The following NBPF9 variants were observed in gnomAD, a reference collection of about 807,000 sequenced individuals.
NBPF9 encodes the protein NBPF family member NBPF9.
Under a neutral mutation model 97.8 loss-of-function variants are expected in NBPF9, and 91 were observed. The observed-to-expected ratio is 0.93, with a 90% CI of 0.79 to 1.11. The LOEUF (loss-of-function observed/expected upper bound fraction) is 1.11, where lower values mean the gene tolerates loss of function less well. NBPF9 is among the 50% of genes least tolerant of loss of function. NBPF9 has a pLI of 0.00. For missense variants in NBPF9, 992 were observed against 939.5 expected, an observed-to-expected ratio of 1.06 and a Z score of -0.73; for synonymous variants, 334 against 359.5, an observed-to-expected ratio of 0.93 and a Z score of 0.80.
At chr1:149,076,773 G>T (rs1207413834) in intron 11 of NBPF9, among the ~76,000 whole-genome samples, 4 of 151,010 alleles carry the variant, frequency 2.6e-5, no homozygotes, top group Admixed American at 1.3e-4. Context: ...CTCCCAAAGT[G>T]CTCGGATTAC....
intron 5 of NBPF9, among the ~76,000 whole-genome samples, chr1:149,088,124 C>A (rs1297304232): frequency 6.6e-6 from 1 of 152,244 alleles, no homozygotes; most frequent in African/African-American, 2.4e-5. Flanking sequence ...AGCCACGGTG[C>A]CCAGTCTGTT....
intron 1 of NBPF9, 26 bp downstream of exon 1, chr1:149,103,275 C>A (rs1361321838): frequency 3.3e-5 from 5 of 151,514 alleles, no homozygotes; most frequent in African/African-American, 1.2e-4. Flanking sequence ...ACTCACCGCC[C>A]GCCCGGCCTG....
intron 5 of NBPF9, among the ~76,000 whole-genome samples, chr1:149,086,980 T>G (rs1342003298): frequency 6.6e-6 from 1 of 152,082 alleles, no homozygotes; most frequent in Non-Finnish European, 1.5e-5. Context: ...AGCCATACCA[T>G]TTTTCATTCC....
rs587691061 is a variant in NBPF9, at chr1:149,072,871, G to A, written c.1153C>T (p.Arg385Trp). ...GAGCGGGAGGCATCTCTCCCTTCCC[G>A]CAACTTCTCCCTTAACTGGGTCAGC... Residue 385 changes from arginine to tryptophan, a missense_variant, in exon 14 of 30, where the codon CGG (arginine) becomes TGG (tryptophan). Coordinates refer to ENST00000584027, the Ensembl canonical transcript of NBPF9. 425 of 1,605,526 alleles carry A rather than the reference G, an allele frequency of 2.6e-4. 16 individuals are homozygous for A. Among genetic ancestry groups the A allele is most frequent in the Admixed American group, 9.2e-4 (55 of 59,890 alleles).
chr1:149,056,321 A>G (rs1474411839), intron 29 of NBPF9, among the ~76,000 whole-genome samples, 191 bp downstream of exon 29: 1 of 120,088 alleles, frequency 8.3e-6, no homozygotes, highest in Non-Finnish European at 1.7e-5. Context: ...AACCTATGGT[A>G]CGTTAGGAAA....
chr1:149,064,636 G>C lies in NBPF9; in HGVS notation c.1802-154C>G, dbSNP rs1299279144. 4.8e-6 allele frequency: 3 copies of C among 623,810 alleles called. No homozygotes were observed. The South Asian group carries it at 5.7e-5, about 12-fold the overall frequency. 38.6% of individuals were successfully genotyped at this position (623,810 alleles called of 1,614,324 possible). A position where few individuals can be genotyped will look rare whatever the true frequency, so the allele number is the denominator to read the frequency against. On this transcript the variant is annotated intron_variant, in intron 18 of 29. Coordinates refer to ENST00000584027, the Ensembl canonical transcript of NBPF9. ...AATATTCCAGTAGGCCTGAGGTCAA[G>C]TCTTGAGAAAACTGGCTTGGGTTCT...
intron 12 of NBPF9, among the ~76,000 whole-genome samples, chr1:149,075,167 G>T (rs1330538210): frequency 1.3e-5 from 2 of 151,752 alleles, no homozygotes; most frequent in African/African-American, 4.8e-5. Context: ...ATTAGGAGTA[G>T]ACTCCTCTTG....
Position 149,064,017 on chromosome 1 carries a change from GAC to G in NBPF9, c.1854-214_1854-213del, listed in dbSNP as rs72022450. 4.3e-4 allele frequency among the ~76,000 whole-genome samples: 44 copies of G among 101,620 alleles called. 6 individuals are homozygous for G. Among genetic ancestry groups the G allele is most frequent in the South Asian group, 6.8e-4 (2 of 2,958 alleles). The allele number at this position is 101,620 out of a possible 152,430, so 66.7% of individuals were successfully genotyped here. A position where few individuals can be genotyped will look rare whatever the true frequency, so the allele number is the denominator to read the frequency against. On this transcript the variant is annotated intron_variant, in intron 19 of 29. Transcript: ENST00000584027. ...AGACACACACACACACACAGACACA[GAC>G]ACACACACACACACACACAGAGCGA...
chr1:149,085,807 G>A (rs1271926603), intron 5 of NBPF9, among the ~76,000 whole-genome samples: 7 of 151,710 alleles, frequency 4.6e-5, no homozygotes, highest in Non-Finnish European at 1.0e-4. Flanking sequence ...ACTTTAAAAT[G>A]TGTAATTCAA....
At chr1:149,081,547 A>G (rs2080445473) in intron 7 of NBPF9, among the ~76,000 whole-genome samples, 1 of 152,038 alleles carries the variant, frequency 6.6e-6, no homozygotes, top group African/African-American at 2.4e-5. Flanking sequence ...ACTAGAACAG[A>G]GCTTTGCCTC....
chr1:149,059,732 T>C lies in NBPF9; in HGVS notation c.2553A>G (p.Glu851=), dbSNP rs1399076271. 44 of 585,626 alleles carry C rather than the reference T, an allele frequency of 7.5e-5. 10 individuals are homozygous for C. The East Asian group carries it at 1.2e-3, about 16-fold the overall frequency. The allele number at this position is 585,626 out of a possible 1,614,324, so 36.3% of individuals were successfully genotyped here. A position where few individuals can be genotyped will look rare whatever the true frequency, so the allele number is the denominator to read the frequency against. Residue 851 remains glutamate (E), a synonymous_variant, in exon 25 of 30, where the codon GAA becomes GAG. Transcript: ENST00000584027. ...ATGGTGGGTTTTGATTTTCTTCCCCTTCTTTTCTTCCCCTTCTTCTTTTCT... is the reference window on the plus strand; with the variant it reads ...ATGGTGGGTTTTGATTTTCTTCCCCCTCTTTTCTTCCCCTTCTTCTTTTCT...
intron 5 of NBPF9, among the ~76,000 whole-genome samples, chr1:149,082,952 C>CT (rs1175496893): frequency 1.6e-4 from 10 of 60,976 alleles, no homozygotes; most frequent in African/African-American, 2.4e-4. Context: ...GCTAATTTTT[C>CT]TTTTCTTTTT....
chr1:149,055,891 C>T (rs1389916653), exon 30 of NBPF9: 3 of 1,611,362 alleles, frequency 1.9e-6, no homozygotes, highest in Non-Finnish European at 2.5e-6. Flanking sequence ...CATCAGCACG[C>T]CGTTGAGCCT....
At chr1:149,071,437 G>A (rs1310206938) in intron 15 of NBPF9, among the ~76,000 whole-genome samples, 167 bp downstream of exon 15, 4,274 of 148,178 alleles carry the variant, frequency 0.029, 113 homozygotes, top group Non-Finnish European at 0.041. Context: ...CACACATAGA[G>A]AAACATGACA....
In NBPF9 at chr1:149,090,507, T is replaced by C. The variant is rs1282675381; in HGVS notation, c.-195+246A>G. 73 of 375,714 alleles carry C rather than the reference T, an allele frequency of 1.9e-4. No individual in the cohort carries two copies. In the South Asian group the frequency reaches 2.1e-3, roughly 11 times the overall value. The allele number at this position is 375,714 out of a possible 1,614,324, so 23.3% of individuals were successfully genotyped here. On this transcript the variant is annotated intron_variant, in intron 5 of 29. Transcript: ENST00000584027. ...TCATCTTAAAAAGGAAACAAGGCAATATTTTGCAATAAAACCTTAAGATGC... is the reference window on the plus strand; with the variant it reads ...TCATCTTAAAAAGGAAACAAGGCAACATTTTGCAATAAAACCTTAAGATGC...
At chr1:149,064,893 A>T (rs1319745583) in intron 18 of NBPF9, 5 of 527,968 alleles carry the variant, frequency 9.5e-6, no homozygotes, top group East Asian at 3.9e-5. Context: ...GGGTGCAATG[A>T]ACCAGCTCTT....
chr1:149,093,460 T>C (rs2081545222), intron 4 of NBPF9, among the ~76,000 whole-genome samples: 1 of 151,814 alleles, frequency 6.6e-6, no homozygotes, highest in African/African-American at 2.4e-5. Context: ...CAGTCAGGTC[T>C]TTCCCTTCCC....
chr1:149,064,960 G>T (rs1402861344), intron 18 of NBPF9: 60 of 532,414 alleles, frequency 1.1e-4, no homozygotes, highest in South Asian at 1.7e-4. Context: ...GCTTTTGTGG[G>T]TGAAAAGTCA....
intron 3 of NBPF9, among the ~76,000 whole-genome samples, chr1:149,100,240 C>T (rs1304784305): frequency 1.6e-5 from 2 of 127,112 alleles, no homozygotes; most frequent in Admixed American, 1.7e-4. Flanking sequence ...CAAATAACAT[C>T]TAATTCAAGT....
Sources: allele counts gnomAD v4.1 joint callset (sites outside exome capture counted in the v4.1 genomes callset), GRCh38; gene constraint gnomAD v4.1.1; transcripts MANE v1.5; gene names NCBI Gene and HGNC (gene_info 2026-07-23, HGNC 2026-07-21).